CNBD2: variants seen among roughly 807,000 people sequenced by gnomAD.
CNBD2 encodes the protein cyclic nucleotide-binding domain-containing protein 2.
CNBD2 carries 64 observed loss-of-function variants against 63.7 expected under a neutral mutation model. The ratio of observed to expected loss-of-function variants is 1.00; its 90% CI spans 0.82 to 1.24. The LOEUF (loss-of-function observed/expected upper bound fraction) is 1.24, where lower values mean the gene tolerates loss of function less well. Among genes scored for constraint, CNBD2 ranks in the 50% most tolerant of loss-of-function variants. The pLI, the probability that CNBD2 is intolerant of heterozygous loss-of-function variation, is 0.00. For missense variants in CNBD2, 691 were observed against 713.5 expected (o/e 0.97, Z 0.36); for synonymous variants, 229 against 255.4 (o/e 0.90, Z 0.99).
intron 1 of CNBD2, 36 bp from the exon 2 acceptor site, chr20:35,972,593 T>C (rs761662196): frequency 2.5e-6 from 4 of 1,609,316 alleles, no homozygotes; most frequent in Non-Finnish European, 3.4e-6. Flanking sequence ...TGAGAACAGA[T>C]GGTTTCTATT....
At chr20:35,966,139 C>T (rs1442345224), upstream of CNBD2, among the ~76,000 whole-genome samples, 1 of 152,164 alleles carries the variant, frequency 6.6e-6, no homozygotes, top group African/African-American at 2.4e-5. Context: ...CTTATATTTC[C>T]TTCCTTAAGA....
Position 35,968,673 on chromosome 20 carries a change from T to C in CNBD2, c.-90T>C. 1 of 915,786 alleles carries C rather than the reference T, an allele frequency of 1.1e-6. No individual in the cohort carries two copies. The highest frequency in any genetic ancestry group is 1.7e-6 in the Non-Finnish European group (1 of 576,004). 56.7% of individuals were successfully genotyped at this position (915,786 alleles called of 1,614,324 possible). On this transcript the variant is annotated 5_prime_UTR_variant, in exon 1 of 12. Transcript: ENST00000373973. ...TTGTTACTGAGGAAATCTATTTGTTTCTAGTATTACTGGATTTTTGGGGAA... is the reference window on the plus strand; with the variant it reads ...TTGTTACTGAGGAAATCTATTTGTTCCTAGTATTACTGGATTTTTGGGGAA...
In CNBD2 at chr20:35,982,727, A is replaced by ATT. The variant is rs111477946; in HGVS notation, c.408-1243_408-1242dup. Among the ~76,000 whole-genome samples the ATT allele has an allele frequency of 5.4e-3, 787 of 146,136 alleles. 6 individuals are homozygous for ATT. Among genetic ancestry groups the ATT allele is most frequent in the African/African-American group, 0.019 (758 of 40,168 alleles). ...AAGTCTGTGTTGTTCATTGTGCCCA[A>ATT]TTTTTTTTTTTTTGAGACAGAGTCA... On this transcript the variant is annotated intron_variant, in intron 4 of 11. Coordinates refer to ENST00000373973, the MANE Select transcript of CNBD2 (RefSeq NM_001365709.1).
intron 10 of CNBD2, among the ~76,000 whole-genome samples, chr20:36,020,283 A>G (rs1006013099): frequency 3.3e-5 from 5 of 151,970 alleles, no homozygotes; most frequent in African/African-American, 4.8e-5. Flanking sequence ...GGGTTTCACC[A>G]TGTTAGCCAG....
chr20:35,978,828 G>A (rs2056558694), intron 3 of CNBD2, among the ~76,000 whole-genome samples: 1 of 152,182 alleles, frequency 6.6e-6, no homozygotes, highest in Non-Finnish European at 1.5e-5. Context: ...TATATATTCT[G>A]TGGGTACATA....
At chr20:35,978,923 C>A (rs1464683752) in intron 3 of CNBD2, among the ~76,000 whole-genome samples, 1 of 152,154 alleles carries the variant, frequency 6.6e-6, no homozygotes, top group African/African-American at 2.4e-5. Context: ...AGGATTTTAA[C>A]TATCTGTGTT....
At chr20:36,004,455 T>A (rs1455532804) in intron 8 of CNBD2, among the ~76,000 whole-genome samples, 2 of 152,174 alleles carry the variant, frequency 1.3e-5, no homozygotes, top group Non-Finnish European at 2.9e-5. Flanking sequence ...TCCCCCTCCC[T>A]GCACCATGGC....
intron 1 of CNBD2, among the ~76,000 whole-genome samples, chr20:35,971,232 C>A (rs368829698): frequency 6.6e-6 from 1 of 152,116 alleles, no homozygotes; most frequent in East Asian, 1.9e-4. Context: ...CAGGCATGAG[C>A]CACCGGGCCC....
At chr20:35,992,757 C>T (rs944957521) in intron 7 of CNBD2, among the ~76,000 whole-genome samples, 4 of 151,722 alleles carry the variant, frequency 2.6e-5, no homozygotes, top group Admixed American at 2.0e-4. Flanking sequence ...TCCCCCACCC[C>T]CCGACCCTGG....
chr20:35,983,128 C>T (rs1182257382), intron 4 of CNBD2, among the ~76,000 whole-genome samples: 1 of 118,908 alleles, frequency 8.4e-6, no homozygotes, highest in East Asian at 2.5e-4. Flanking sequence ...GTGGGAGGAT[C>T]CTTGAGCCCA....
chr20:36,011,942 G>C (rs562820699), intron 10 of CNBD2, among the ~76,000 whole-genome samples: 12 of 152,178 alleles, frequency 7.9e-5, no homozygotes, highest in African/African-American at 2.9e-4. Context: ...CGAATCACTT[G>C]AGGTCAGGAG....
chr20:35,961,878 TTCCCTGGTCA>T (rs2056311439), intron 2 of CNBD2, among the ~76,000 whole-genome samples: 1 of 152,148 alleles, frequency 6.6e-6, no homozygotes, highest in South Asian at 2.1e-4. Context: ...ATCTGTGTGT[TTCCCTGGTCA>T]CCCCACTCCC....
intron 1 of CNBD2, among the ~76,000 whole-genome samples, chr20:35,971,038 C>T (rs1237294607): frequency 1.3e-5 from 2 of 150,130 alleles, no homozygotes; most frequent in Non-Finnish European, 3.0e-5. Context: ...AGCTCCGCCT[C>T]CCGGGTTCAC....
chr20:35,968,701 AT>A lies in CNBD2; in HGVS notation c.-59del. The A allele has an allele frequency of 7.9e-6, 11 of 1,391,642 alleles. No homozygotes were observed. Among genetic ancestry groups the A allele is most frequent in the Non-Finnish European group, 1.1e-5 (11 of 1,000,962 alleles). 86.2% of individuals were successfully genotyped at this position (1,391,642 alleles called of 1,614,324 possible). ...AGTATTACTGGATTTTTGGGGAAAA[AT>A]TTGTAGTCCTCCCCTTGAAAGGCAA... On this transcript the variant is annotated 5_prime_UTR_variant, in exon 1 of 12. An upstream open reading frame in the 5' UTR loses its in-frame stop. Transcript: ENST00000373973.
At chr20:36,012,012 G>T (rs1195469730) in intron 10 of CNBD2, among the ~76,000 whole-genome samples, 1 of 151,902 alleles carries the variant, frequency 6.6e-6, no homozygotes, top group East Asian at 1.9e-4. Context: ...ACAAAAATTA[G>T]CTGGGGCCAG....
At chr20:35,968,517 T>A, upstream of CNBD2, 1 of 419,906 alleles carries the variant, frequency 2.4e-6, no homozygotes, top group South Asian at 2.3e-5. Context: ...GACTCCCACA[T>A]TCCAATCCCT....
At chr20:35,968,215 G>A (rs1317399812), upstream of CNBD2, among the ~76,000 whole-genome samples, 2 of 152,156 alleles carry the variant, frequency 1.3e-5, no homozygotes, top group Non-Finnish European at 2.9e-5. Flanking sequence ...TTAAGGAGTG[G>A]GTTTTTAGAG....
intron 4 of CNBD2, among the ~76,000 whole-genome samples, chr20:35,983,262 C>T (rs1389880697): frequency 6.6e-6 from 1 of 151,956 alleles, no homozygotes; most frequent in Non-Finnish European, 1.5e-5. Context: ...TGCCACCACA[C>T]CTGGCCTCAC....
intron 11 of CNBD2, among the ~76,000 whole-genome samples, chr20:36,029,050 C>A (rs2057313816): frequency 6.6e-6 from 1 of 152,084 alleles, no homozygotes; most frequent in East Asian, 1.9e-4. Context: ...GGAACTGAGA[C>A]CCCTGTGTGA....
Sources: gnomAD v4.1 joint callset for allele counts (sites outside exome capture counted in the v4.1 genomes callset) on GRCh38, gnomAD v4.1.1 for gene constraint, MANE v1.5 for transcripts, NCBI Gene and HGNC (gene_info 2026-07-23, HGNC 2026-07-21) for gene names.